CAB39: variants seen among roughly 807,000 people sequenced by gnomAD.
The protein encoded by CAB39 is calcium binding protein 39.
In CAB39, 8 loss-of-function variants were observed where a neutral mutation model predicts 40.0. The ratio of observed to expected loss-of-function variants is 0.20; its 90% CI spans 0.12 to 0.36. CAB39 has a LOEUF of 0.36. Among genes scored for constraint, CAB39 ranks in the 10% least tolerant of loss-of-function variants. The pLI, the probability that CAB39 is intolerant of heterozygous loss-of-function variation, is 1.00. For synonymous variants in CAB39, 156 were observed against 141.6 expected (o/e 1.10, Z -0.72); for missense variants, 270 against 401.1 (o/e 0.67, Z 2.79).
At chr2:230,764,780 A>C (rs368141451) in intron 2 of CAB39, among the ~76,000 whole-genome samples, 32 of 152,362 alleles carry the variant, frequency 2.1e-4, no homozygotes, top group African/African-American at 7.0e-4. Flanking sequence ...TCTGTCTTCC[A>C]ATAACAAAAG....
At chr2:230,716,899 G>C (rs1694360737) in intron 1 of CAB39, among the ~76,000 whole-genome samples, 1 of 152,188 alleles carries the variant, frequency 6.6e-6, no homozygotes, top group African/African-American at 2.4e-5. Context: ...CTACTCAAGA[G>C]GCTGAGGCAG....
intron 1 of CAB39, among the ~76,000 whole-genome samples, chr2:230,749,002 C>T (rs1321157854): frequency 1.4e-5 from 2 of 144,120 alleles, no homozygotes; most frequent in Admixed American, 6.9e-5. Context: ...GCGCCCCCCG[C>T]CCCCGTGTTT....
At chr2:230,715,829 T>G (rs1423020223) in intron 1 of CAB39, among the ~76,000 whole-genome samples, 2 of 152,142 alleles carry the variant, frequency 1.3e-5, no homozygotes, top group Non-Finnish European at 2.9e-5. Context: ...CAGCCTCCTG[T>G]AGACGGGACC....
intron 1 of CAB39, among the ~76,000 whole-genome samples, chr2:230,755,721 G>A (rs1695176870): frequency 1.3e-5 from 2 of 152,096 alleles, no homozygotes; most frequent in African/African-American, 4.8e-5. Flanking sequence ...TTATTCTAAG[G>A]GCAGTGAAAA....
intron 1 of CAB39, among the ~76,000 whole-genome samples, chr2:230,726,592 C>T (rs1694576762): frequency 6.6e-6 from 1 of 152,122 alleles, no homozygotes; most frequent in Non-Finnish European, 1.5e-5. Flanking sequence ...ATCCCTGTGC[C>T]TTAACCTTCC....
intron 6 of CAB39, among the ~76,000 whole-genome samples, chr2:230,810,956 C>T (rs939515107): frequency 3.3e-5 from 5 of 152,204 alleles, no homozygotes; most frequent in Admixed American, 6.5e-5. Context: ...TCCCTAGACC[C>T]GCACAACTGC....
At chr2:230,798,366 T>C (rs1696027576) in intron 4 of CAB39, among the ~76,000 whole-genome samples, 1 of 152,230 alleles carries the variant, frequency 6.6e-6, no homozygotes, top group South Asian at 2.1e-4. Context: ...CTTTTGGTTT[T>C]TCTGAGTGTC....
chr2:230,730,119 T>A (rs964638591), intron 1 of CAB39, among the ~76,000 whole-genome samples: 1 of 152,194 alleles, frequency 6.6e-6, no homozygotes, highest in South Asian at 2.1e-4. Flanking sequence ...AAATTTTTTC[T>A]TATAATTTTA....
At chr2:230,716,777 G>A (rs1694358444) in intron 1 of CAB39, among the ~76,000 whole-genome samples, 1 of 152,192 alleles carries the variant, frequency 6.6e-6, no homozygotes, top group Admixed American at 6.5e-5. Context: ...CAAGGTGGGA[G>A]GATTGCTTGA....
chr2:230,714,522 G>C (rs745838934), intron 1 of CAB39, among the ~76,000 whole-genome samples: 6 of 152,178 alleles, frequency 3.9e-5, no homozygotes, highest in Non-Finnish European at 1.5e-5. Context: ...CTATTTGTGC[G>C]TTCGCTACAG....
At chr2:230,768,749 G>A (rs1392087279) in intron 2 of CAB39, among the ~76,000 whole-genome samples, 1 of 152,116 alleles carries the variant, frequency 6.6e-6, no homozygotes, top group Non-Finnish European at 1.5e-5. Flanking sequence ...ATAAAAGTAT[G>A]ACTCTGTATG....
intron 1 of CAB39, among the ~76,000 whole-genome samples, chr2:230,757,664 A>C (rs934055760): frequency 6.6e-6 from 1 of 152,152 alleles, no homozygotes; most frequent in African/African-American, 2.4e-5. Context: ...ATAGCACCGT[A>C]ACACTTCCTG....
chr2:230,790,207 A>T (rs1372531829), intron 2 of CAB39, among the ~76,000 whole-genome samples: 1 of 151,330 alleles, frequency 6.6e-6, no homozygotes, highest in Non-Finnish European at 1.5e-5. Context: ...TCACCACTGC[A>T]CTCCAGGCCT....
chr2:230,798,784 A>C lies in CAB39; in HGVS notation c.454A>C (p.Arg152=). 1 of 1,609,300 alleles carries C rather than the reference A, an allele frequency of 6.2e-7. No individual in the cohort carries two copies. The highest frequency in any genetic ancestry group is 8.5e-7 in the Non-Finnish European group (1 of 1,177,470). Residue 152 remains arginine (R), a synonymous_variant, in exon 5 of 9, where the codon AGA becomes CGA. Transcript: ENST00000258418. The part of the protein sequence containing the change: ...NCGIMLRECI[R]HEPLAKIILW... ...TGGAATAATGTTAAGAGAATGCATCAGACATGAACCACTTGCAAAAATCAT... is the reference window on the plus strand; with the variant it reads ...TGGAATAATGTTAAGAGAATGCATCCGACATGAACCACTTGCAAAAATCAT...
chr2:230,758,492 T>A (rs942215686), intron 1 of CAB39, among the ~76,000 whole-genome samples: 9 of 152,178 alleles, frequency 5.9e-5, no homozygotes, highest in Admixed American at 2.6e-4. Flanking sequence ...CATACTTGTT[T>A]ATGATTTAGT....
chr2:230,743,169 C>G (rs1319851420), intron 1 of CAB39, among the ~76,000 whole-genome samples: 2 of 152,142 alleles, frequency 1.3e-5, no homozygotes, highest in Admixed American at 1.3e-4. Flanking sequence ...TGTCCTAGTT[C>G]TGGTTAGTAG....
intron 4 of CAB39, among the ~76,000 whole-genome samples, chr2:230,796,124 C>T (rs545061319): frequency 8.9e-4 from 136 of 152,130 alleles, no homozygotes; most frequent in Non-Finnish European, 1.6e-3. Flanking sequence ...TCATTTTGTA[C>T]GAGTCCTGCC....
intron 1 of CAB39, among the ~76,000 whole-genome samples, chr2:230,756,724 G>A (rs1049468148): frequency 7.9e-5 from 12 of 151,050 alleles, no homozygotes; most frequent in Admixed American, 2.0e-4. Flanking sequence ...ACGGAGTTTC[G>A]CTCTGTCGCC....
intron 6 of CAB39, 73 bp from the exon 7 acceptor site, chr2:230,813,976 G>GTTTTTTTTTT (rs1335944963): frequency 3.8e-6 from 1 of 261,856 alleles, no homozygotes; most frequent in Non-Finnish European, 6.2e-6. Context: ...TTACCTACCA[G>GTTTTTTTTTT]TCTTTTTTTT....
Sources: allele counts gnomAD v4.1 joint callset (sites outside exome capture counted in the v4.1 genomes callset), GRCh38; gene constraint gnomAD v4.1.1; transcripts MANE v1.5; gene names NCBI Gene and HGNC (gene_info 2026-07-23, HGNC 2026-07-21).